The following DNAH5 variants were observed in gnomAD, a reference collection of about 807,000 sequenced individuals.
The protein encoded by DNAH5 is dynein axonemal heavy chain 5.
In DNAH5, 372 loss-of-function variants were observed where a neutral mutation model predicts 518.2. The ratio of observed to expected loss-of-function variants is 0.72; its 90% confidence interval spans 0.66 to 0.78. The LOEUF is 0.78. Ranked by LOEUF, DNAH5 falls within the 30% of genes least tolerant of loss-of-function variation. The probability of loss-of-function intolerance (pLI) is 0.00; values close to 1 mark genes in which losing one functional copy is unlikely to be tolerated. For synonymous variants in DNAH5, 2,039 were observed against 2,025.9 expected (o/e 1.01, Z -0.17); for missense variants, 5,523 against 5,687.0 (o/e 0.97, Z 0.93).
chr5:13,774,335 G>A (rs1035223204), intron 55 of DNAH5, among the ~76,000 whole-genome samples: 5 of 152,080 alleles, frequency 3.3e-5, no homozygotes, highest in South Asian at 2.1e-4. Flanking sequence ...TTTGATGAGC[G>A]ATAATGGCCC....
intron 50 of DNAH5, 131 bp from the exon 51 acceptor site, chr5:13,789,045 T>C (rs1756529181): frequency 9.2e-6 from 7 of 760,292 alleles, no homozygotes; most frequent in South Asian, 6.9e-5. Context: ...AGGGTTCAAA[T>C]ATGCTCAACT....
At chr5:13,927,950 G>T in intron 3 of DNAH5, 144 bp downstream of exon 3, 1 of 677,274 alleles carries the variant, frequency 1.5e-6, no homozygotes, top group African/African-American at 1.8e-5. Context: ...CACACTAATG[G>T]TTTCCCACAT....
At chr5:13,773,334 T>C (rs1475588603) in intron 55 of DNAH5, among the ~76,000 whole-genome samples, 2 of 151,992 alleles carry the variant, frequency 1.3e-5, no homozygotes, top group Non-Finnish European at 2.9e-5. Context: ...CAAAGGAGGA[T>C]TGAAGGATGT....
intron 1 of DNAH5, among the ~76,000 whole-genome samples, chr5:13,958,082 C>T (rs970199523): frequency 5.3e-5 from 8 of 151,774 alleles, no homozygotes; most frequent in Non-Finnish European, 7.4e-5. Context: ...ATATCAATTA[C>T]ATAGGCCTTG....
At chr5:13,768,785 C>T (rs1004523487) in intron 58 of DNAH5, among the ~76,000 whole-genome samples, 175 bp downstream of exon 58, 1 of 152,152 alleles carries the variant, frequency 6.6e-6, no homozygotes, top group African/African-American at 2.4e-5. Context: ...GCAGAACAGG[C>T]AAAACCTATA....
At chr5:13,801,864 T>C (rs1350370873) in intron 47 of DNAH5, among the ~76,000 whole-genome samples, 6 of 152,098 alleles carry the variant, frequency 3.9e-5, no homozygotes, top group African/African-American at 9.7e-5. Flanking sequence ...AAAAAACACA[T>C]AGACTGTGAA....
At chr5:13,716,717 T>C in intron 73 of DNAH5, 27 bp from the exon 74 acceptor site, 1 of 1,466,208 alleles carries the variant, frequency 6.8e-7, no homozygotes, top group South Asian at 1.1e-5. Context: ...AATAATTATG[T>C]AGAACTGACT....
At chr5:13,988,727 C>CT (rs528130556) in intron 1 of DNAH5, among the ~76,000 whole-genome samples, 4,573 of 126,550 alleles carry the variant, frequency 0.036, 193 homozygotes, top group South Asian at 0.062. Context: ...CAGCCCAAAT[C>CT]TTTTTTTTTT....
chr5:13,812,278 A>G (rs990935089), intron 43 of DNAH5, among the ~76,000 whole-genome samples: 6 of 152,202 alleles, frequency 3.9e-5, no homozygotes, highest in African/African-American at 1.4e-4. Context: ...TAAAGAATAA[A>G]AGATGAACAA....
chr5:13,737,151 TA>T, intron 66 of DNAH5, 100 bp downstream of exon 66: 1 of 1,559,832 alleles, frequency 6.4e-7, no homozygotes, highest in Admixed American at 1.7e-5. Context: ...CCACTTTGCA[TA>T]ATCATTTGTA....
chr5:13,837,252 G>A (rs921714061), intron 35 of DNAH5, among the ~76,000 whole-genome samples: 1 of 152,230 alleles, frequency 6.6e-6, no homozygotes, highest in Non-Finnish European at 1.5e-5. Context: ...GAGCCTGAAT[G>A]AAGTGAGTTG....
At chr5:14,010,100 G>A (rs1318325102) in intron 1 of DNAH5, among the ~76,000 whole-genome samples, 1 of 151,964 alleles carries the variant, frequency 6.6e-6, no homozygotes, top group East Asian at 1.9e-4. Flanking sequence ...TCATAAAATT[G>A]GAACCTATTG....
rs2151814113 is a variant in DNAH5 at position 13,820,356 on chromosome 5, T to C, written c.6831A>G (p.Arg2277=). ...GKTTCIHTLM[R]AMTDCGKPHR... ...TTGGCTGCCCTGTACCTGTCATGGCTCTCATCAAGGTGTGGATGCAGGTGG... is the reference window on the plus strand; with the variant it reads ...TTGGCTGCCCTGTACCTGTCATGGCCCTCATCAAGGTGTGGATGCAGGTGG... Residue 2277 remains arginine (R), a synonymous_variant, in exon 41 of 79, where the codon AGA becomes AGG. Coordinates refer to ENST00000265104, the MANE Select transcript of DNAH5 (RefSeq NM_001369.3). 6.2e-7 allele frequency: 1 copy of C among 1,610,688 alleles called. No homozygotes were observed. Among genetic ancestry groups the C allele is most frequent in the Non-Finnish European group, 8.5e-7 (1 of 1,180,018 alleles).
At position 13,914,610 on chromosome 5, in the gene DNAH5, G is replaced by T. The variant is rs1449339755; in HGVS notation, c.1230C>A (p.Ala410=). 1.9e-6 allele frequency: 3 copies of T among 1,613,122 alleles called. No individual in the cohort carries two copies. Among genetic ancestry groups the T allele is most frequent in the Non-Finnish European group, 1.7e-6 (2 of 1,179,278 alleles). Residue 410 remains alanine, a synonymous_variant, in exon 10 of 79, where the codon GCC becomes GCA. Coordinates refer to ENST00000265104, the MANE Select transcript of DNAH5 (RefSeq NM_001369.3). ...VTNQIISACK[A]YITNNGTASI... Reference sequence around the variant, plus strand: ...AAGCGGTTCCATTATTGGTAATATAGGCTTTACATGCAGATATAATCTGAT... The same window carrying T: ...AAGCGGTTCCATTATTGGTAATATATGCTTTACATGCAGATATAATCTGAT...
intron 1 of DNAH5, among the ~76,000 whole-genome samples, chr5:13,982,847 G>T (rs1236597275): frequency 6.6e-6 from 1 of 152,228 alleles, no homozygotes; most frequent in Admixed American, 6.5e-5. Context: ...CCATGGCAAG[G>T]CCTTGTGGTG....
intron 38 of DNAH5, among the ~76,000 whole-genome samples, chr5:13,826,577 C>A (rs939491102): frequency 2.0e-5 from 3 of 152,146 alleles, no homozygotes; most frequent in Admixed American, 6.5e-5. Flanking sequence ...TTCCTGACAC[C>A]ACATGAAGAA....
chr5:13,994,468 A>G (rs140059039), intron 1 of DNAH5, among the ~76,000 whole-genome samples: 1 of 152,334 alleles, frequency 6.6e-6, no homozygotes, highest in East Asian at 1.9e-4. Flanking sequence ...CATGCAAAAT[A>G]ACCTGACCAT....
intron 22 of DNAH5, among the ~76,000 whole-genome samples, chr5:13,872,392 CA>C (rs1445617911): frequency 6.6e-6 from 1 of 152,108 alleles, no homozygotes; most frequent in East Asian, 1.9e-4. Context: ...TCTAACCAAC[CA>C]GGAACATAGT....
chr5:13,742,154 T>C (rs1314595167), intron 65 of DNAH5, among the ~76,000 whole-genome samples: 1 of 152,120 alleles, frequency 6.6e-6, no homozygotes, highest in East Asian at 1.9e-4. Flanking sequence ...AAGTGCATAA[T>C]AAAGTAGCTG....
Sources: allele counts gnomAD v4.1 joint callset (sites outside exome capture counted in the v4.1 genomes callset), GRCh38; gene constraint gnomAD v4.1.1; transcripts MANE v1.5; gene names NCBI Gene and HGNC (gene_info 2026-07-23, HGNC 2026-07-21).